Variants in DPH6 observed in about 807,000 individuals in gnomAD.
DPH6 encodes the protein diphthamine biosynthesis 6.
A neutral mutation model predicts 38.2 loss-of-function variants in DPH6; 33 were observed. That is an observed-to-expected ratio of 0.86 (90% confidence interval 0.65 to 1.15). The LOEUF (loss-of-function observed/expected upper bound fraction) is 1.15. Ranked by LOEUF, DPH6 falls within the 50% of genes most tolerant of loss-of-function variation. DPH6 has a pLI of 0.00. For synonymous variants in DPH6, 108 were observed against 103.0 expected (o/e 1.05, Z -0.30); for missense variants, 325 against 320.0 (o/e 1.02, Z -0.12).
At chr15:35,300,844 G>T (rs1264163982) in intron 3 of DPH6, among the ~76,000 whole-genome samples, 5 of 152,092 alleles carry the variant, frequency 3.3e-5, no homozygotes, top group Admixed American at 2.0e-4. Context: ...GGCACACATG[G>T]CATCATCATT....
intron 2 of DPH6, 44 bp from the exon 3 acceptor site, chr15:35,538,511 A>C (rs1407741136): frequency 1.4e-6 from 2 of 1,410,512 alleles, no homozygotes; most frequent in Non-Finnish European, 1.9e-6. Context: ...GAGAGTGAAA[A>C]AGAAAGCGGA....
At chr15:35,395,577 C>T (rs2053120891) in intron 6 of DPH6, among the ~76,000 whole-genome samples, 1 of 152,132 alleles carries the variant, frequency 6.6e-6, no homozygotes, top group African/African-American at 2.4e-5. Flanking sequence ...GCCTTCTTGC[C>T]AAAGTCTTCA....
the DPH6 span, among the ~76,000 whole-genome samples, chr15:35,171,510 G>A: frequency 8.5e-5 from 13 of 152,068 alleles, no homozygotes; most frequent in Non-Finnish European, 1.8e-4. Context: ...ATTAATAATT[G>A]TTGTCCGTAA....
At chr15:35,379,033 G>A (rs1179177767) in intron 7 of DPH6, among the ~76,000 whole-genome samples, 1 of 152,108 alleles carries the variant, frequency 6.6e-6, no homozygotes, top group Non-Finnish European at 1.5e-5. Context: ...TTCTCTCTTG[G>A]GACTTTAGAG....
chr15:35,291,984 C>T (rs1209766995), intron 3 of DPH6, among the ~76,000 whole-genome samples: 1 of 152,068 alleles, frequency 6.6e-6, no homozygotes, highest in Non-Finnish European at 1.5e-5. Context: ...CCACTCTACT[C>T]CTCTAATACT....
chr15:35,274,775 T>C (rs915442881), intron 3 of DPH6, among the ~76,000 whole-genome samples: 38 of 152,156 alleles, frequency 2.5e-4, no homozygotes, highest in South Asian at 8.3e-4. Context: ...GAAATAGGAA[T>C]GCTTTTACAC....
chr15:35,388,049 T>C (rs1231409479), intron 6 of DPH6, among the ~76,000 whole-genome samples: 3 of 152,186 alleles, frequency 2.0e-5, no homozygotes, highest in Non-Finnish European at 2.9e-5. Flanking sequence ...GTTTTTAGCA[T>C]GAAGGTTGTT....
chr15:35,163,273 C>T, the DPH6 span, among the ~76,000 whole-genome samples: 1 of 151,848 alleles, frequency 6.6e-6, no homozygotes, highest in African/African-American at 2.4e-5. Context: ...CCAAGTTTTA[C>T]TGCCATTTAT....
intron 3 of DPH6, among the ~76,000 whole-genome samples, chr15:35,512,333 T>C (rs16961145): frequency 0.096 from 14,602 of 152,102 alleles, 941 homozygotes; most frequent in African/African-American, 0.18. Context: ...GTGTGGCTAG[T>C]TGGAAAACAG....
chr15:35,237,503 T>C, intron 3 of DPH6: 1 of 1,565,118 alleles, frequency 6.4e-7, no homozygotes, highest in Non-Finnish European at 8.8e-7. Context: ...AACTGCAAAC[T>C]TACCGAAGTT....
intron 3 of DPH6, among the ~76,000 whole-genome samples, chr15:35,249,978 A>G (rs949634139): frequency 4.0e-5 from 6 of 150,932 alleles, no homozygotes; most frequent in African/African-American, 1.5e-4. Context: ...CCTGGCTAAC[A>G]CGGCGAAACA....
At chr15:35,378,976 TACAA>T (rs575875165) in intron 7 of DPH6, among the ~76,000 whole-genome samples, 5 of 152,054 alleles carry the variant, frequency 3.3e-5, no homozygotes, top group African/African-American at 7.2e-5. Flanking sequence ...AAGTATAATT[TACAA>T]ACAAACAAAC....
intron 3 of DPH6, among the ~76,000 whole-genome samples, chr15:35,359,993 T>C (rs1299144176): frequency 6.6e-6 from 1 of 152,252 alleles, no homozygotes; most frequent in East Asian, 1.9e-4. Context: ...CTGAATTCTT[T>C]GTCAAGCAGT....
At chr15:35,156,919 T>G in the DPH6 span, among the ~76,000 whole-genome samples, 40 of 152,234 alleles carry the variant, frequency 2.6e-4, no homozygotes. Flanking sequence ...AATGTGTAGA[T>G]TTTCCTGGAG....
intron 3 of DPH6, chr15:35,299,498 G>T: frequency 1.4e-6 from 1 of 721,614 alleles, no homozygotes; most frequent in Non-Finnish European, 2.6e-6. Flanking sequence ...CCGCGGTGGC[G>T]GCAGCGCGGA....
chr15:35,196,548 A>G, the DPH6 span, among the ~76,000 whole-genome samples: 1 of 152,354 alleles, frequency 6.6e-6, no homozygotes, highest in East Asian at 1.9e-4. Flanking sequence ...GTGCAAACTT[A>G]GCAAATTCTG....
chr15:35,279,528 C>T (rs2051884592), intron 3 of DPH6, among the ~76,000 whole-genome samples: 1 of 151,994 alleles, frequency 6.6e-6, no homozygotes, highest in Non-Finnish European at 1.5e-5. Flanking sequence ...TAGCTTGGTG[C>T]TGTCCTCCCC....
rs370753721 is a variant in DPH6 at position 35,305,193 on chromosome 15, T to C, written n.200+68328A>G. On this transcript the variant is annotated intron_variant and non_coding_transcript_variant, in intron 3 of 3. Coordinates refer to the DPH6 transcript ENST00000560386. ...AGGTAGTACGCTGTTGGTTCTACTA[T>C]AGATGATGCTTCATTTTAAATATCT... Among the ~76,000 whole-genome samples, 76 of 152,280 alleles carry C rather than the reference T, an allele frequency of 5.0e-4. 1 individual carries two copies. In the South Asian group the frequency reaches 0.015, roughly 29 times the overall value.
At chr15:35,372,359 T>C (rs1055090096) in intron 8 of DPH6, 156 bp from the exon 9 acceptor site, 1 of 544,450 alleles carries the variant, frequency 1.8e-6, no homozygotes, top group African/African-American at 2.0e-5. Context: ...GGTGTCATAC[T>C]GAAGACCAAT....
Sources: gnomAD v4.1 joint callset for allele counts (sites outside exome capture counted in the v4.1 genomes callset) on GRCh38, gnomAD v4.1.1 for gene constraint, MANE v1.5 for transcripts, NCBI Gene and HGNC (gene_info 2026-07-23, HGNC 2026-07-21) for gene names.